Variants in DCHS2 observed in about 807,000 individuals in gnomAD.
DCHS2 encodes dachsous cadherin-related 2.
Under a neutral mutation model 182.4 loss-of-function variants are expected in DCHS2, and 142 were observed. The ratio of observed to expected loss-of-function variants is 0.78; its 90% CI spans 0.68 to 0.89. DCHS2 has a LOEUF of 0.89. Ranked by LOEUF, DCHS2 falls within the 40% of genes least tolerant of loss-of-function variation. The probability of loss-of-function intolerance (pLI) is 0.00; values close to 1 mark genes in which losing one functional copy is unlikely to be tolerated. For synonymous variants in DCHS2, 1,740 were observed against 1,663.3 expected (o/e 1.05, Z -1.12); for missense variants, 4,319 against 4,198.6 (o/e 1.03, Z -0.79).
rs775795190 is a variant in DCHS2, at chr4:154,232,054, G to GTCT, written c.*2479_*2481dup. ...AGCCAAAATTCCACAAGAGACAACT[G>GTCT]TCTTTTATTTTATAGCTTATGAATT... On this transcript the variant is annotated 3_prime_UTR_variant, in exon 20 of 20. Transcript: ENST00000357232. 4 of 151,612 alleles carry GTCT rather than the reference G, an allele frequency of 2.6e-5. No individual in the cohort carries two copies. The highest frequency in any genetic ancestry group is 5.9e-5 in the Non-Finnish European group (4 of 67,988). The allele number at this position is 151,612 out of a possible 1,614,324, so 9.4% of individuals were successfully genotyped here.
At chr4:154,462,172 G>A (rs966597751) in intron 1 of DCHS2, among the ~76,000 whole-genome samples, 1 of 152,024 alleles carries the variant, frequency 6.6e-6, no homozygotes, top group East Asian at 1.9e-4. Flanking sequence ...ATCTTTGGTT[G>A]CTCTTTGTCT....
chr4:154,487,453 T>C (rs982977160), intron 1 of DCHS2, among the ~76,000 whole-genome samples: 18 of 152,190 alleles, frequency 1.2e-4, no homozygotes, highest in Non-Finnish European at 1.8e-4. Context: ...ACTTTGACAG[T>C]GTTAGTCACT....
intron 13 of DCHS2, among the ~76,000 whole-genome samples, chr4:154,271,288 G>C (rs551651866): frequency 1.3e-5 from 2 of 152,230 alleles, no homozygotes; most frequent in Admixed American, 1.3e-4. Context: ...TCTGTCAAGG[G>C]CCAGATATTA....
chr4:154,386,864 A>G (rs1731445967), intron 1 of DCHS2, among the ~76,000 whole-genome samples: 1 of 152,242 alleles, frequency 6.6e-6, no homozygotes, highest in Non-Finnish European at 1.5e-5. Flanking sequence ...TCATTGAGAA[A>G]TAATATTTTT....
intron 1 of DCHS2, among the ~76,000 whole-genome samples, chr4:154,437,089 G>A (rs1012363832): frequency 6.6e-6 from 1 of 152,096 alleles, no homozygotes; most frequent in Admixed American, 6.6e-5. Context: ...CTGCATTCAA[G>A]TTAGGCCTCC....
At chr4:154,279,721 A>G (rs978462380) in intron 13 of DCHS2, among the ~76,000 whole-genome samples, 2 of 152,034 alleles carry the variant, frequency 1.3e-5, no homozygotes, top group East Asian at 1.9e-4. Flanking sequence ...ATGGGATGCA[A>G]TGATAGTAAT....
chr4:154,257,006 T>C (rs1732711901), intron 15 of DCHS2, among the ~76,000 whole-genome samples: 1 of 152,052 alleles, frequency 6.6e-6, no homozygotes, highest in South Asian at 2.1e-4. Flanking sequence ...CAGAAGCACT[T>C]TGGGAGGCCA....
intron 1 of DCHS2, among the ~76,000 whole-genome samples, chr4:154,433,455 C>T (rs953918918): frequency 2.0e-4 from 26 of 129,586 alleles, no homozygotes; most frequent in African/African-American, 5.9e-4. Context: ...AGTGCAGTGG[C>T]GTGATCTCCG....
intron 1 of DCHS2, among the ~76,000 whole-genome samples, chr4:154,389,302 A>G (rs941662879): frequency 6.6e-6 from 1 of 151,978 alleles, no homozygotes; most frequent in African/African-American, 2.4e-5. Context: ...GATCTGGGCC[A>G]TGTGCCATGG....
rs2111337821 is a variant in DCHS2 at position 154,321,848 on chromosome 4, A to C, written c.4176+483T>G. On this transcript the variant is annotated intron_variant, in intron 8 of 19. Coordinates refer to ENST00000357232, the MANE Select transcript of DCHS2 (RefSeq NM_001358235.2). ...GAGTGGTTGGTGTAATTTTTTTCTT[A>C]CTATGGAGACTTCTCACAACTTGTT... 2.0e-5 allele frequency among the ~76,000 whole-genome samples: 3 copies of C among 152,228 alleles called. No individual in the cohort carries two copies. The South Asian group carries it at 6.2e-4, about 32-fold the overall frequency.
chr4:154,317,636 A>C (rs897005498), intron 9 of DCHS2, among the ~76,000 whole-genome samples: 1 of 152,118 alleles, frequency 6.6e-6, no homozygotes, highest in Non-Finnish European at 1.5e-5. Flanking sequence ...TTTTTAGTGA[A>C]TAAGATGAGA....
At chr4:154,442,222 C>T (rs1022208603) in intron 1 of DCHS2, among the ~76,000 whole-genome samples, 1 of 152,012 alleles carries the variant, frequency 6.6e-6, no homozygotes, top group African/African-American at 2.4e-5. Context: ...ATGAGTCATC[C>T]CAAGGAGGCT....
At chr4:154,489,257 A>G (rs13121403) in intron 1 of DCHS2, 47 bp downstream of exon 1, 338,464 of 1,417,410 alleles carry the variant, frequency 0.24, 43,619 homozygotes, top group Non-Finnish European at 0.27. Context: ...AACCCTCTCC[A>G]TCCCTTCCCA....
chr4:154,418,315 C>T (rs1326025241), intron 1 of DCHS2, among the ~76,000 whole-genome samples: 7 of 152,158 alleles, frequency 4.6e-5, no homozygotes, highest in Admixed American at 1.3e-4. Flanking sequence ...TCAGCACTAA[C>T]GCCAGGTGTC....
At chr4:154,395,043 A>C (rs1731871924) in intron 1 of DCHS2, among the ~76,000 whole-genome samples, 1 of 152,164 alleles carries the variant, frequency 6.6e-6, no homozygotes, top group South Asian at 2.1e-4. Context: ...ACTGTAGGAC[A>C]GGCAACTACT....
Position 154,490,868 on chromosome 4 carries a change from T to A in DCHS2, c.488A>T (p.His163Leu), listed in dbSNP as rs1579135279. 6.4e-7 allele frequency: 1 copy of A among 1,550,908 alleles called. No individual in the cohort carries two copies. The highest frequency in any genetic ancestry group is 1.2e-5 in the South Asian group (1 of 84,020). ...GGAGTCGAGGGGAAAGCGGGGCGAG[T>A]GGTCATTCACGTCGTTGACGCGAAT... ...VEIRVNDVND[H>L]SPRFPLDSLQ... The change falls in exon 1 of 20, where the codon CAC becomes CTC. Residue 163 changes from histidine (H) to leucine (L), a missense_variant. By Grantham distance (99) the His-to-Leu change is moderately conservative (BLOSUM62 -3). Transcript: ENST00000357232.
At chr4:154,456,800 G>T (rs959240164) in intron 1 of DCHS2, among the ~76,000 whole-genome samples, 1 of 152,082 alleles carries the variant, frequency 6.6e-6, no homozygotes, top group Non-Finnish European at 1.5e-5. Context: ...TCTATTTTGG[G>T]TTTGCAGAGG....
intron 1 of DCHS2, among the ~76,000 whole-genome samples, chr4:154,456,583 T>C (rs1260272383): frequency 1.3e-5 from 2 of 152,106 alleles, no homozygotes; most frequent in Admixed American, 1.3e-4. Context: ...ATATATACAA[T>C]TTTATTAAGC....
chr4:154,418,083 TTTATA>T (rs1732949539), intron 1 of DCHS2, among the ~76,000 whole-genome samples: 1 of 152,226 alleles, frequency 6.6e-6, no homozygotes, highest in African/African-American at 2.4e-5. Context: ...TTTTGTAACA[TTTATA>T]TTATATGGTC....
Sources: gnomAD v4.1 joint callset for allele counts (sites outside exome capture counted in the v4.1 genomes callset) on GRCh38, gnomAD v4.1.1 for gene constraint, MANE v1.5 for transcripts, NCBI Gene and HGNC (gene_info 2026-07-23, HGNC 2026-07-21) for gene names.